The following KLHL15 variants were observed in gnomAD, a reference collection of about 807,000 sequenced individuals.
KLHL15 encodes kelch like family member 15.
Under a neutral mutation model 29.3 loss-of-function variants are expected in KLHL15, and 1 was observed. The observed-to-expected ratio is 0.03, with a 90% CI of 0.01 to 0.16. The LOEUF (loss-of-function observed/expected upper bound fraction) is 0.16, where lower values mean the gene tolerates loss of function less well. Among genes scored for constraint, KLHL15 ranks in the 10% least tolerant of loss-of-function variants. The pLI is 1.00. For missense variants in KLHL15, 215 were observed against 478.5 expected (o/e 0.45, Z 5.14); for synonymous variants, 212 against 184.5 (o/e 1.15, Z -1.21).
intron 1 of KLHL15, among the ~76,000 whole-genome samples, chrX:24,025,570 C>T (rs1336618701): frequency 9.2e-6 from 1 of 108,224 alleles, no homozygotes; most frequent in African/African-American, 3.3e-5. Context: ...CCGGGAGGCC[C>T]CCCCCTCGGC....
In KLHL15 at chrX:24,006,610, T is replaced by A. The variant is rs927316805; in HGVS notation, c.84A>T (p.Gly28=). ...SAGFRALYEE[G]LLLDVTLVIE... ...TAACCAGAGTGACATCAAGAAGCAATCCCTCCTCATACAGTGCTCTGAACC... is the reference window on the plus strand; with the variant it reads ...TAACCAGAGTGACATCAAGAAGCAAACCCTCCTCATACAGTGCTCTGAACC... Residue 28 remains glycine (G), a synonymous_variant, in exon 3 of 4, where the codon GGA becomes GGT. Coordinates refer to ENST00000328046, the MANE Select transcript of KLHL15 (RefSeq NM_030624.3). 5.8e-6 allele frequency: 7 copies of A among 1,208,686 alleles called. No individual in the cohort carries two copies. The Admixed American group carries it at 6.6e-5, about 11-fold the overall frequency.
intron 1 of KLHL15, among the ~76,000 whole-genome samples, chrX:24,026,020 C>A (rs772762710): frequency 1.4e-4 from 16 of 111,036 alleles, no homozygotes; most frequent in Non-Finnish European, 3.0e-4. Context: ...CTTTTTGCAT[C>A]TTGGCCACGG....
At chrX:24,015,276 T>G (rs942946022) in intron 2 of KLHL15, among the ~76,000 whole-genome samples, 16 of 112,037 alleles carry the variant, frequency 1.4e-4, no homozygotes, top group African/African-American at 5.2e-4. Context: ...AAAATTCTCA[T>G]TCTTTTTATA....
At chrX:24,023,439 G>A (rs1929853382) in intron 2 of KLHL15, among the ~76,000 whole-genome samples, 1 of 111,965 alleles carries the variant, frequency 8.9e-6, no homozygotes, top group South Asian at 3.7e-4. Context: ...AAGACAACTG[G>A]TATTGGACTA....
At chrX:24,012,447 A>G (rs947784227) in intron 2 of KLHL15, among the ~76,000 whole-genome samples, 11 of 110,017 alleles carry the variant, frequency 1.0e-4, no homozygotes, top group African/African-American at 2.6e-4. Flanking sequence ...TCATTTCTCA[A>G]TCTCCTTCAT....
chrX:24,022,760 C>T (rs1197765906), intron 2 of KLHL15, among the ~76,000 whole-genome samples: 1 of 106,050 alleles, frequency 9.4e-6, no homozygotes, highest in Non-Finnish European at 1.9e-5. Context: ...GCTCTCGTCG[C>T]CCAGGCTGGA....
At chrX:23,991,441 C>T (rs751322734) in intron 3 of KLHL15, among the ~76,000 whole-genome samples, 82 of 109,064 alleles carry the variant, frequency 7.5e-4, no homozygotes, top group Admixed American at 5.0e-3. Flanking sequence ...ATCGCTTGAA[C>T]CCGGGAGGTG....
intron 3 of KLHL15, among the ~76,000 whole-genome samples, chrX:24,000,580 T>C (rs1195845717): frequency 1.8e-5 from 2 of 112,607 alleles, no homozygotes; most frequent in African/African-American, 3.2e-5. Flanking sequence ...CTTCCAAAAC[T>C]GAGGGTTAGA....
In KLHL15 at chrX:23,985,281, A is replaced by T. The variant is rs1051956078; in HGVS notation, c.*2640T>A. On this transcript the variant is annotated 3_prime_UTR_variant, in exon 4 of 4. Transcript: ENST00000328046. ...TCAAAAAACTACTTTTTTGAGCGCAATGTATATAAACAAAAACTCCAAATG... is the reference window on the plus strand; with the variant it reads ...TCAAAAAACTACTTTTTTGAGCGCATTGTATATAAACAAAAACTCCAAATG... 1 of 111,893 alleles carries T rather than the reference A, an allele frequency of 8.9e-6. No homozygotes were observed. The highest frequency in any genetic ancestry group is 2.8e-4 in the East Asian group (1 of 3,605). The allele number at this position is 111,893 out of a possible 1,213,427, so 9.2% of individuals were successfully genotyped here.
At chrX:23,990,227 GTT>G (rs970602078) in intron 3 of KLHL15, among the ~76,000 whole-genome samples, 5 of 111,673 alleles carry the variant, frequency 4.5e-5, no homozygotes, top group African/African-American at 1.6e-4. Flanking sequence ...GATGTGATCC[GTT>G]TCCTTAAAGA....
chrX:24,014,611 AGAG>A (rs905103227), intron 2 of KLHL15, among the ~76,000 whole-genome samples: 22 of 111,571 alleles, frequency 2.0e-4, no homozygotes, highest in Admixed American at 9.6e-4. Context: ...GGGGGAAAAA[AGAG>A]GAGGAGGAGG....
At chrX:24,000,485 A>AATAAATAC (rs202138809) in intron 3 of KLHL15, among the ~76,000 whole-genome samples, 1 of 110,689 alleles carries the variant, frequency 9.0e-6, no homozygotes, top group African/African-American at 3.3e-5. Flanking sequence ...TAAATAAATA[A>AATAAATAC]TAAAAAAAGT....
intron 1 of KLHL15, among the ~76,000 whole-genome samples, chrX:24,026,248 C>T (rs1435393916): frequency 8.9e-6 from 1 of 112,000 alleles, no homozygotes; most frequent in East Asian, 2.8e-4. Context: ...ATGTCTGCAC[C>T]ACCCGGAGAT....
At position 23,988,385 on chromosome X, in the gene KLHL15, C is replaced by T; in HGVS notation, c.1351G>A (p.Glu451Lys). Residue 451 changes from glutamate (E) to lysine (K), a missense_variant, in exon 4 of 4, where the codon GAA (glutamate) becomes AAA (lysine). Coordinates refer to ENST00000328046, the MANE Select transcript of KLHL15 (RefSeq NM_030624.3). ...KQVCVFDPSK[E>K]GTIEQRTRRT... The stretch of plus-strand genomic sequence containing the variant: ...CTGGTCCGTTGTTCTATGGTCCCTT[C>T]TTTGCTGGGGTCAAACACGCACACT... The T allele has an allele frequency of 8.3e-7, 1 of 1,212,061 alleles. No homozygotes were observed. Among genetic ancestry groups the T allele is most frequent in the Non-Finnish European group, 1.1e-6 (1 of 895,599 alleles).
In KLHL15 at chrX:23,984,606, C is replaced by T. The variant is rs1928953917; in HGVS notation, c.*3315G>A. 2 of 112,281 alleles carry T rather than the reference C, an allele frequency of 1.8e-5. No homozygotes were observed. Among genetic ancestry groups the T allele is most frequent in the East Asian group, 5.5e-4 (2 of 3,637 alleles). The allele number at this position is 112,281 out of a possible 1,213,427, so 9.3% of individuals were successfully genotyped here. Reference sequence around the variant, plus strand: ...TCTCCTCTGAGAGATAGCTTATAAACTGAAATAACAATTTATATTATAAAC... The same window carrying T: ...TCTCCTCTGAGAGATAGCTTATAAATTGAAATAACAATTTATATTATAAAC... On this transcript the variant is annotated 3_prime_UTR_variant, in exon 4 of 4. Coordinates refer to ENST00000328046, the MANE Select transcript of KLHL15 (RefSeq NM_030624.3).
intron 2 of KLHL15, among the ~76,000 whole-genome samples, chrX:24,017,019 G>C (rs1219427499): frequency 9.1e-6 from 1 of 110,132 alleles, no homozygotes; most frequent in African/African-American, 3.3e-5. Context: ...GTTAAGACTA[G>C]ATTCTAGCCT....
At chrX:24,018,964 C>CCATA (rs72236821) in intron 2 of KLHL15, among the ~76,000 whole-genome samples, 54,484 of 110,228 alleles carry the variant, frequency 0.49, 12,341 homozygotes, top group African/African-American at 0.89. Context: ...GATTGCGCCA[C>CCATA]CTCCAGCCAG....
chrX:24,005,327 T>A (rs917584383), intron 3 of KLHL15, among the ~76,000 whole-genome samples: 4 of 112,265 alleles, frequency 3.6e-5, no homozygotes, highest in African/African-American at 6.5e-5. Flanking sequence ...TGCCCAGGGA[T>A]GGTTGATCAA....
chrX:23,992,981 C>T (rs1237504381), intron 3 of KLHL15, among the ~76,000 whole-genome samples: 1 of 111,731 alleles, frequency 9.0e-6, no homozygotes, highest in Non-Finnish European at 1.9e-5. Flanking sequence ...CCACCCCCAT[C>T]CCATAGGGTG....
Sources: allele counts gnomAD v4.1 joint callset (sites outside exome capture counted in the v4.1 genomes callset), GRCh38; gene constraint gnomAD v4.1.1; transcripts MANE v1.5; gene names NCBI Gene and HGNC (gene_info 2026-07-23, HGNC 2026-07-21).